PARN: variants seen among roughly 807,000 people sequenced by gnomAD.
The protein encoded by PARN is poly(A)-specific ribonuclease.
In PARN, 71 loss-of-function variants were observed where a neutral mutation model predicts 102.8. That is an observed-to-expected ratio of 0.69 (90% CI 0.57 to 0.84). The LOEUF (loss-of-function observed/expected upper bound fraction) is 0.84. Among genes scored for constraint, PARN ranks in the 40% least tolerant of loss-of-function variants. PARN has a pLI of 0.00. For synonymous variants in PARN, 261 were observed against 252.9 expected (o/e 1.03, Z -0.30); for missense variants, 782 against 760.9 (o/e 1.03, Z -0.33).
intron 22 of PARN, among the ~76,000 whole-genome samples, chr16:14,471,018 A>G (rs375102863): frequency 1.3e-5 from 2 of 152,280 alleles, no homozygotes; most frequent in East Asian, 3.9e-4. Context: ...GCTGTCCTTA[A>G]GCAATCCTCC....
chr16:14,575,686 T>C (rs115277447), intron 18 of PARN, among the ~76,000 whole-genome samples: 1,554 of 152,306 alleles, frequency 0.01, 29 homozygotes, highest in African/African-American at 0.035. Flanking sequence ...TGTGGACTTT[T>C]AAGTTAATGC....
chr16:14,462,644 C>G (rs1944792305), intron 22 of PARN, among the ~76,000 whole-genome samples: 1 of 145,634 alleles, frequency 6.9e-6, no homozygotes, highest in Admixed American at 6.8e-5. Context: ...GATTGAGAGA[C>G]AGAGAGAGAA....
chr16:14,577,692 A>C (rs1310815810), intron 18 of PARN, among the ~76,000 whole-genome samples: 1 of 151,628 alleles, frequency 6.6e-6, no homozygotes, highest in Non-Finnish European at 1.5e-5. Context: ...TTTGAGATAG[A>C]GTCTCACTCT....
At chr16:14,441,316 G>A (rs1190352733) in intron 23 of PARN, among the ~76,000 whole-genome samples, 7 of 152,122 alleles carry the variant, frequency 4.6e-5, no homozygotes, top group Non-Finnish European at 5.9e-5. Flanking sequence ...ATTAAAAGAC[G>A]GGGAACACAA....
At chr16:14,577,324 A>G (rs989406054) in intron 18 of PARN, among the ~76,000 whole-genome samples, 4 of 152,238 alleles carry the variant, frequency 2.6e-5, no homozygotes, top group African/African-American at 7.2e-5. Flanking sequence ...AATATCCTAA[A>G]TCACCTGCAA....
chr16:14,619,924 G>C (rs1972187555), intron 5 of PARN, among the ~76,000 whole-genome samples: 1 of 149,924 alleles, frequency 6.7e-6, no homozygotes, highest in East Asian at 2.0e-4. Context: ...ACAAAAATTA[G>C]CCAGGCGTGG....
chr16:14,558,784 A>G (rs1237744622), intron 18 of PARN, among the ~76,000 whole-genome samples: 1 of 152,204 alleles, frequency 6.6e-6, no homozygotes, highest in Non-Finnish European at 1.5e-5. Flanking sequence ...TAAAATATTT[A>G]TATCATTAAG....
intron 18 of PARN, among the ~76,000 whole-genome samples, chr16:14,563,686 C>A (rs891530510): frequency 1.3e-5 from 2 of 151,298 alleles, no homozygotes; most frequent in African/African-American, 2.4e-5. Context: ...CAGGTGCACA[C>A]CACCGCACCT....
In PARN at chr16:14,555,649, C is replaced by T; in HGVS notation, c.1318+5G>A. 7.4e-7 allele frequency: 1 copy of T among 1,350,406 alleles called. No individual in the cohort carries two copies. The highest frequency in any genetic ancestry group is 1.0e-6 in the Non-Finnish European group (1 of 977,346). 83.7% of individuals were successfully genotyped at this position (1,350,406 alleles called of 1,614,324 possible). A position where few individuals can be genotyped will look rare whatever the true frequency, so the allele number is the denominator to read the frequency against. ...GATGCAATAAGAAAATAAAAATTTACTTACAGTCTGGTCCTTCCAAGTTTA... is the reference window on the plus strand; with the variant it reads ...GATGCAATAAGAAAATAAAAATTTATTTACAGTCTGGTCCTTCCAAGTTTA... On this transcript the variant is annotated splice_donor_5th_base_variant and intron_variant, in intron 19 of 23. Transcript: ENST00000437198.
chr16:14,501,595 C>T (rs571719595), intron 21 of PARN: 1 of 152,092 alleles, frequency 6.6e-6, no homozygotes, highest in African/African-American at 2.4e-5. Flanking sequence ...GAGGGCTTTT[C>T]GGTAAAGTAG....
chr16:14,541,119 CTTT>C (rs34336313), intron 21 of PARN, among the ~76,000 whole-genome samples: 9 of 126,294 alleles, frequency 7.1e-5, no homozygotes, highest in Admixed American at 2.4e-4. Flanking sequence ...GGCGAAACAT[CTTT>C]TTTTTTTTTT....
intron 18 of PARN, among the ~76,000 whole-genome samples, chr16:14,574,046 G>T (rs1419397342): frequency 6.6e-6 from 1 of 152,194 alleles, no homozygotes; most frequent in Non-Finnish European, 1.5e-5. Flanking sequence ...GGAGGGCTCA[G>T]AAGAAGACAG....
Position 14,599,984 on chromosome 16 carries a change from T to C in PARN, c.784-24A>G, listed in dbSNP as rs765463617. The C allele has an allele frequency of 3.0e-6, 4 of 1,327,866 alleles. No individual in the cohort carries two copies. The South Asian group carries it at 3.9e-5, about 13-fold the overall frequency. The allele number at this position is 1,327,866 out of a possible 1,614,324, so 82.3% of individuals were successfully genotyped here. ...TCCTAATTAAAAAAATATATACATA[T>C]GTATTATTGATGTATAAATATTCCT... is the stretch of plus-strand genomic sequence containing the variant. On this transcript the variant is annotated intron_variant, in intron 11 of 23. Coordinates refer to ENST00000437198, the MANE Select transcript of PARN (RefSeq NM_002582.4).
chr16:14,547,458 C>A (rs1967024627), intron 21 of PARN, among the ~76,000 whole-genome samples: 1 of 151,932 alleles, frequency 6.6e-6, no homozygotes, highest in South Asian at 2.1e-4. Flanking sequence ...GTAATCCCAG[C>A]ACTTTGGGAA....
chr16:14,594,142 A>C (rs562616974), intron 12 of PARN, among the ~76,000 whole-genome samples: 2 of 152,348 alleles, frequency 1.3e-5, no homozygotes, highest in Admixed American at 6.5e-5. Context: ...GCTAAAAGGT[A>C]AAAATAACTA....
At chr16:14,501,514 A>G (rs1301907258) in intron 21 of PARN, 3 of 150,690 alleles carry the variant, frequency 2.0e-5, no homozygotes, top group Non-Finnish European at 4.4e-5. Flanking sequence ...TGAAAAATAG[A>G]AAAGAAAGTC....
At chr16:14,570,252 T>C (rs890657444) in intron 18 of PARN, among the ~76,000 whole-genome samples, 4 of 133,932 alleles carry the variant, frequency 3.0e-5, no homozygotes, top group Admixed American at 2.7e-4. Context: ...GGCAGGAGAA[T>C]TGCTTGAATC....
Position 14,436,522 on chromosome 16 carries a change from G to A in PARN, c.*195C>T, listed in dbSNP as rs1960703727. The A allele has an allele frequency of 2.2e-5, 13 of 603,724 alleles. No individual in the cohort carries two copies. In the South Asian group the frequency reaches 2.6e-4, roughly 12 times the overall value. 37.4% of individuals were successfully genotyped at this position (603,724 alleles called of 1,614,324 possible). ...ACCGTGATGAGTGTCAATGTCAACA[G>A]GCAGTTAGATTAAAAAGGGGAAAAA... is the stretch of plus-strand genomic sequence containing the variant. On this transcript the variant is annotated 3_prime_UTR_variant, in exon 24 of 24. Transcript: ENST00000437198.
intron 18 of PARN, among the ~76,000 whole-genome samples, chr16:14,573,478 A>G (rs1481732649): frequency 5.3e-5 from 8 of 152,156 alleles, no homozygotes; most frequent in Non-Finnish European, 1.2e-4. Context: ...CGCACCCCTT[A>G]TATTTCAAGA....
Sources: gnomAD v4.1 joint callset for allele counts (sites outside exome capture counted in the v4.1 genomes callset) on GRCh38, gnomAD v4.1.1 for gene constraint, MANE v1.5 for transcripts, NCBI Gene and HGNC (gene_info 2026-07-23, HGNC 2026-07-21) for gene names.